Variants in TICRR observed in about 807,000 individuals in gnomAD.
TICRR encodes the protein treslin.
In TICRR, 132 loss-of-function variants were observed where a neutral mutation model predicts 178.1. The ratio of observed to expected loss-of-function variants is 0.74; its 90% CI spans 0.64 to 0.86. The LOEUF is 0.86. Among genes scored for constraint, TICRR ranks in the 40% least tolerant of loss-of-function variants. The probability of loss-of-function intolerance (pLI) is 0.00; values close to 1 mark genes in which losing one functional copy is unlikely to be tolerated. For missense variants in TICRR, 2,587 were observed against 2,334.3 expected, an observed-to-expected ratio of 1.11 and a Z score of -2.23; for synonymous variants, 991 against 900.7, an observed-to-expected ratio of 1.10 and a Z score of -1.79.
chr15:89,593,071 C>T (rs991142978), intron 5 of TICRR, among the ~76,000 whole-genome samples: 5 of 152,122 alleles, frequency 3.3e-5, no homozygotes, highest in South Asian at 2.1e-4. Flanking sequence ...ACTTTGGTTT[C>T]GTTTTTTTAA....
At position 89,601,526 on chromosome 15, in the gene TICRR, A is replaced by T; in HGVS notation, c.2285A>T (p.Asp762Val). Reference sequence around the variant, plus strand: ...CTGCGCATGGTGTGTTTAACTGAGGATTCAGCGTACCTAGCAGAGTTTCTG... The same window carrying T: ...CTGCGCATGGTGTGTTTAACTGAGGTTTCAGCGTACCTAGCAGAGTTTCTG... Reference protein sequence around the residue: ...DLLRMVCLTEDSAYLAEFLEE... With the variant: ...DLLRMVCLTEVSAYLAEFLEE... Residue 762 changes from aspartate to valine, a missense_variant, in exon 11 of 22, where the codon GAT (aspartate) becomes GTT (valine). Transcript: ENST00000268138. The T allele has an allele frequency of 6.2e-7, 1 of 1,614,212 alleles. No individual in the cohort carries two copies. Among genetic ancestry groups the T allele is most frequent in the Non-Finnish European group, 8.5e-7 (1 of 1,180,036 alleles).
chr15:89,585,833 C>G lies in TICRR; in HGVS notation c.1302C>G (p.Leu434=), dbSNP rs1490356239. 3 of 1,614,024 alleles carry G rather than the reference C, an allele frequency of 1.9e-6. No individual in the cohort carries two copies. Among genetic ancestry groups the G allele is most frequent in the Non-Finnish European group, 8.5e-7 (1 of 1,180,044 alleles). The change falls in exon 4 of 22, where the codon CTC becomes CTG. Residue 434 remains leucine (L), a synonymous_variant. Transcript: ENST00000268138. ...TKEAEFQRHV[L]QTAVADSPRD... is the part of the protein sequence containing the mutation. ...AGGCTGAATTTCAACGACATGTTCT[C>G]CAAACAGCTGTGGCTGACAGCCCCC... is the stretch of plus-strand genomic sequence containing the variant.
At chr15:89,608,736 C>T in intron 14 of TICRR, 67 bp from the exon 15 acceptor site, 1 of 1,394,462 alleles carries the variant, frequency 7.2e-7, no homozygotes, top group East Asian at 2.5e-5. Flanking sequence ...TATCTTTTCT[C>T]AGATACGGCA....
Position 89,585,724 on chromosome 15 carries a change from C to G in TICRR, c.1193C>G (p.Pro398Arg). 1.2e-6 allele frequency: 2 copies of G among 1,614,046 alleles called. No homozygotes were observed. Among genetic ancestry groups the G allele is most frequent in the Non-Finnish European group, 1.7e-6 (2 of 1,179,968 alleles). ...CTCACGTAGGTTGCTGATGTGGACC[C>G]TGGTGAAGGCCGGCCCCCCATCACT... Reference protein sequence around the residue: ...EELHLVADVDPGEGRPPITGV... With the variant: ...EELHLVADVDRGEGRPPITGV... The change falls in exon 4 of 22, where the codon CCT becomes CGT. Residue 398 changes from proline (P) to arginine (R), a missense_variant. Physicochemically the swap from Pro to Arg is moderately radical, Grantham distance 103. Transcript: ENST00000268138.
At chr15:89,582,546 A>T in intron 1 of TICRR, 140 bp from the exon 2 acceptor site, 3 of 762,986 alleles carry the variant, frequency 3.9e-6, no homozygotes, top group East Asian at 5.3e-5. Flanking sequence ...CATTATTTCT[A>T]TTTAGCTCAG....
rs373277423 is a variant in TICRR, at chr15:89,585,811, C to G, written c.1280C>G (p.Ala427Gly). 1.3e-4 allele frequency: 217 copies of G among 1,614,034 alleles called. No homozygotes were observed. Among genetic ancestry groups the G allele is most frequent in the Non-Finnish European group, 7.6e-5 (90 of 1,180,036 alleles). Residue 427 changes from alanine to glycine, a missense_variant, in exon 4 of 22, where the codon GCT becomes GGT. By Grantham distance (60) the Ala-to-Gly change is moderately conservative. Transcript: ENST00000268138. ...MILTVCRTKE[A>G]EFQRHVLQTA... ...CTCACTGTGTGCCGCACCAAGGAGG[C>G]TGAATTTCAACGACATGTTCTCCAA...
intron 14 of TICRR, among the ~76,000 whole-genome samples, chr15:89,608,208 C>T (rs964194604): frequency 5.9e-5 from 9 of 152,012 alleles, no homozygotes; most frequent in Non-Finnish European, 7.4e-5. Context: ...AAATTGAATT[C>T]GTAATGGAAT....
At chr15:89,586,357 CAT>C (rs142659213) in intron 4 of TICRR, among the ~76,000 whole-genome samples, 29 of 150,488 alleles carry the variant, frequency 1.9e-4, no homozygotes, top group East Asian at 9.7e-4. Flanking sequence ...TATACGTATA[CAT>C]ATATATATAT....
In TICRR at chr15:89,584,415, G is replaced by T. The variant is rs1962784628; in HGVS notation, c.1064G>T (p.Ser355Ile). 6.2e-7 allele frequency: 1 copy of T among 1,613,994 alleles called. No homozygotes were observed. Among genetic ancestry groups the T allele is most frequent in the African/African-American group, 1.3e-5 (1 of 74,910 alleles). Residue 355 changes from serine (S) to isoleucine (I), a missense_variant, in exon 3 of 22, where the codon AGC (serine) becomes ATC (isoleucine). Coordinates refer to ENST00000268138, the MANE Select transcript of TICRR (RefSeq NM_152259.4). Reference protein sequence around the residue: ...SVAQWSLPTSSTLGTDSWMLG... With the variant: ...SVAQWSLPTSITLGTDSWMLG... ...GCCCAGTGGTCTCTCCCAACGAGCA[G>T]CACTTTGGGCACTGACAGCTGGATG...
In TICRR at chr15:89,617,980, C is replaced by T. The variant is rs530479624; in HGVS notation, c.2961-172C>T. The T allele has an allele frequency of 4.3e-5, 31 of 720,850 alleles. No individual in the cohort carries two copies. The South Asian group carries it at 5.0e-4, about 12-fold the overall frequency. The allele number at this position is 720,850 out of a possible 1,614,324, so 44.7% of individuals were successfully genotyped here. A position where few individuals can be genotyped will look rare whatever the true frequency, so the allele number is the denominator to read the frequency against. On this transcript the variant is annotated intron_variant, in intron 16 of 21. Transcript: ENST00000268138. ...GTGCTGGGATTACAGGCGTGAGACA[C>T]TGTGGCCAGCCTCCCTCTTGACAAT...
At chr15:89,622,206 G>A (rs543298664) in intron 19 of TICRR, among the ~76,000 whole-genome samples, 1 of 151,912 alleles carries the variant, frequency 6.6e-6, no homozygotes, top group Non-Finnish European at 1.5e-5. Flanking sequence ...GGCTGGTCTC[G>A]AACTCCTGAC....
In TICRR at chr15:89,623,853, G is replaced by A; in HGVS notation, c.3543G>A (p.Gln1181=). 3 of 1,613,870 alleles carry A rather than the reference G, an allele frequency of 1.9e-6. No homozygotes were observed. In the South Asian group the frequency reaches 3.3e-5, roughly 18 times the overall value. The part of the protein sequence containing the change: ...SKITPQKRHT[Q]AGEGTSLETK... ...TCACTCCTCAAAAACGACATACCCA[G>A]GCAGGAGAAGGTACCTCTCTTGAAA... Residue 1181 remains glutamine, a synonymous_variant, in exon 20 of 22, where the codon CAG becomes CAA. Coordinates refer to ENST00000268138, the MANE Select transcript of TICRR (RefSeq NM_152259.4).
At chr15:89,620,147 A>G (rs1596057706) in intron 18 of TICRR, among the ~76,000 whole-genome samples, 2 of 152,130 alleles carry the variant, frequency 1.3e-5, no homozygotes, top group Non-Finnish European at 2.9e-5. Flanking sequence ...GTGGAAGGTG[A>G]TATCTGTGTT....
chr15:89,618,461 C>T (rs1314412986), intron 17 of TICRR, among the ~76,000 whole-genome samples: 1 of 152,206 alleles, frequency 6.6e-6, no homozygotes, highest in African/African-American at 2.4e-5. Context: ...CTGTGTTATA[C>T]AAAGTGCTAT....
At position 89,575,699 on chromosome 15, in the gene TICRR, T is replaced by C; in HGVS notation, c.113T>C (p.Phe38Ser). 6.2e-7 allele frequency: 1 copy of C among 1,606,746 alleles called. No homozygotes were observed. The highest frequency in any genetic ancestry group is 1.1e-5 in the South Asian group (1 of 90,122). The change falls in exon 1 of 22, where the codon TTC becomes TCC. Residue 38 changes from phenylalanine (F) to serine (S), a missense_variant. By Grantham distance (155) the Phe-to-Ser change is radical. Transcript: ENST00000268138. ...CTCCTCACCTATCTGAGTTGCCGAT[T>C]CGGCCTGGCCAGGGTCCACTGGGCC... Reference protein sequence around the residue: ...LRLLTYLSCRFGLARVHWAFK... With the variant: ...LRLLTYLSCRSGLARVHWAFK...
chr15:89,594,310 C>T, intron 5 of TICRR, 105 bp from the exon 6 acceptor site: 2 of 1,014,754 alleles, frequency 2.0e-6, no homozygotes, highest in Admixed American at 5.6e-5. Context: ...GTGGGGACAT[C>T]TTTTTGGTTA....
intron 12 of TICRR, among the ~76,000 whole-genome samples, chr15:89,602,526 T>G (rs1297913416): frequency 6.6e-6 from 1 of 152,152 alleles, no homozygotes. Flanking sequence ...ACTGTCCACA[T>G]GAGGTCTCCA....
intron 1 of TICRR, among the ~76,000 whole-genome samples, chr15:89,577,466 T>TTA (rs1439351531): frequency 6.6e-6 from 1 of 151,978 alleles, no homozygotes; most frequent in African/African-American, 2.4e-5. Context: ...GGGGACATGG[T>TTA]AACCAAAGCA....
intron 14 of TICRR, among the ~76,000 whole-genome samples, chr15:89,607,332 G>A (rs1382864317): frequency 6.6e-6 from 1 of 152,144 alleles, no homozygotes; most frequent in Non-Finnish European, 1.5e-5. Context: ...GGAGATACAT[G>A]CTGACCTTTA....
Sources: allele counts gnomAD v4.1 joint callset (sites outside exome capture counted in the v4.1 genomes callset), GRCh38; gene constraint gnomAD v4.1.1; transcripts MANE v1.5; gene names NCBI Gene and HGNC (gene_info 2026-07-23, HGNC 2026-07-21).